Variants in FAF1 observed in about 807,000 individuals in gnomAD.
FAF1 encodes FAS-associated factor 1.
In FAF1, 25 loss-of-function variants were observed where a neutral mutation model predicts 92.5. That is an observed-to-expected ratio of 0.27 (90% CI 0.20 to 0.38). FAF1 has a LOEUF of 0.38. FAF1 is among the 10% of genes least tolerant of loss of function. The pLI, the probability that FAF1 is intolerant of heterozygous loss-of-function variation, is 1.00. For missense variants in FAF1, 636 were observed against 793.3 expected (o/e 0.80, Z 2.38); for synonymous variants, 234 against 273.2 (o/e 0.86, Z 1.42).
At chr1:50,532,666 A>G (rs1648241119) in intron 15 of FAF1, among the ~76,000 whole-genome samples, 1 of 152,212 alleles carries the variant, frequency 6.6e-6, no homozygotes, top group Admixed American at 6.5e-5. Flanking sequence ...ATTAAGAAAA[A>G]GTATAAACCA....
chr1:50,633,614 G>A (rs538868401), intron 8 of FAF1, among the ~76,000 whole-genome samples: 2 of 152,224 alleles, frequency 1.3e-5, no homozygotes, highest in African/African-American at 2.4e-5. Context: ...CTGTCACTAC[G>A]GCAACCAGCA....
intron 4 of FAF1, among the ~76,000 whole-genome samples, chr1:50,756,727 A>T (rs974116955): frequency 6.6e-6 from 1 of 152,234 alleles, no homozygotes; most frequent in Admixed American, 6.5e-5. Flanking sequence ...TCATGCTGGA[A>T]GGCAAGGTGG....
chr1:50,739,862 C>T (rs1659316236), intron 5 of FAF1, among the ~76,000 whole-genome samples: 1 of 152,102 alleles, frequency 6.6e-6, no homozygotes, highest in Admixed American at 6.5e-5. Flanking sequence ...TTGATAAGCA[C>T]AGAAAATTTC....
At chr1:50,867,330 T>A (rs756859569) in intron 1 of FAF1, among the ~76,000 whole-genome samples, 1 of 151,896 alleles carries the variant, frequency 6.6e-6, no homozygotes, top group Non-Finnish European at 1.5e-5. Flanking sequence ...CCAAGATAAA[T>A]AGATGAAACT....
At chr1:50,547,417 A>C (rs931647769) in intron 13 of FAF1, among the ~76,000 whole-genome samples, 1 of 146,182 alleles carries the variant, frequency 6.8e-6, no homozygotes, top group African/African-American at 2.5e-5. Context: ...AAGCCACGTA[A>C]TTTTTTTTTT....
intron 7 of FAF1, among the ~76,000 whole-genome samples, chr1:50,657,961 C>T: frequency 6.6e-6 from 1 of 152,146 alleles, no homozygotes; most frequent in South Asian, 2.1e-4. Context: ...TATAGTCAGT[C>T]ACATCATTTG....
intron 17 of FAF1, among the ~76,000 whole-genome samples, chr1:50,482,385 G>C (rs1456752699): frequency 1.3e-5 from 2 of 152,144 alleles, no homozygotes; most frequent in Non-Finnish European, 2.9e-5. Flanking sequence ...AGGGACACCT[G>C]AGCTGTTTCC....
intron 7 of FAF1, among the ~76,000 whole-genome samples, chr1:50,686,823 G>GT (rs1180168137): frequency 6.6e-6 from 1 of 152,006 alleles, no homozygotes; most frequent in Non-Finnish European, 1.5e-5. Context: ...ATTGAAACTT[G>GT]TTTTTCTTTT....
At chr1:50,472,606 C>A (rs954263814) in intron 18 of FAF1, among the ~76,000 whole-genome samples, 1 of 151,954 alleles carries the variant, frequency 6.6e-6, no homozygotes, top group South Asian at 2.1e-4. Context: ...TGGTTGGGGG[C>A]GGGTGGCAGG....
At chr1:50,740,522 A>G (rs1164687454) in intron 5 of FAF1, among the ~76,000 whole-genome samples, 1 of 152,150 alleles carries the variant, frequency 6.6e-6, no homozygotes, top group African/African-American at 2.4e-5. Context: ...AAATGAAAAG[A>G]AATACATAAT....
intron 17 of FAF1, among the ~76,000 whole-genome samples, chr1:50,485,667 CAAA>C (rs999538430): frequency 7.3e-5 from 1 of 13,714 alleles, no homozygotes; most frequent in Non-Finnish European, 1.4e-4. Context: ...GAGACTGTCT[CAAA>C]AAAAAAAAAA....
intron 6 of FAF1, among the ~76,000 whole-genome samples, chr1:50,724,296 T>TACACACACACACACACACACACACAC (rs974347882): frequency 6.0e-5 from 7 of 117,218 alleles, no homozygotes; most frequent in African/African-American, 1.9e-4. Flanking sequence ...CACACACACA[T>TACACACACACACACACACACACACAC]ACACACACAC....
At chr1:50,785,975 A>G (rs1027661376) in intron 4 of FAF1, among the ~76,000 whole-genome samples, 2 of 152,060 alleles carry the variant, frequency 1.3e-5, no homozygotes, top group Non-Finnish European at 2.9e-5. Context: ...CTACAAAGAA[A>G]AAAAAAAAAT....
intron 7 of FAF1, among the ~76,000 whole-genome samples, chr1:50,693,445 T>C (rs1387962051): frequency 1.3e-5 from 2 of 152,204 alleles, no homozygotes; most frequent in East Asian, 1.9e-4. Flanking sequence ...TATGGAATTT[T>C]AATTCACTTA....
In FAF1 at chr1:50,744,605, T is replaced by C; in HGVS notation, c.459+79A>G. 3 of 997,732 alleles carry C rather than the reference T, an allele frequency of 3.0e-6. No homozygotes were observed. In the South Asian group the frequency reaches 4.3e-5, roughly 14 times the overall value. 61.8% of individuals were successfully genotyped at this position (997,732 alleles called of 1,614,324 possible). ...CTACTGCCATATGTAACAACATTAA[T>C]TAAAACCAATTTTTACATATCATTT... On this transcript the variant is annotated intron_variant, in intron 5 of 18. Coordinates refer to ENST00000396153, the MANE Select transcript of FAF1 (RefSeq NM_007051.3).
intron 1 of FAF1, among the ~76,000 whole-genome samples, chr1:50,890,499 C>A (rs1644709784): frequency 1.3e-5 from 2 of 152,116 alleles, no homozygotes; most frequent in Admixed American, 1.3e-4. Flanking sequence ...GTGGCTGGTA[C>A]CAGTTGTTCT....
Position 50,457,724 on chromosome 1 carries a change from C to CAAAAAAAAA in FAF1, c.1870-16210_1870-16202dup, listed in dbSNP as rs35479561. On this transcript the variant is annotated intron_variant, in intron 18 of 18. Coordinates refer to ENST00000396153, the MANE Select transcript of FAF1 (RefSeq NM_007051.3). ...GCAATTCGGTGAAACCCCATCTCTG[C>CAAAAAAAAA]AAAAAAAAAAAAAAAAAAAAAATAC... Among the ~76,000 whole-genome samples the CAAAAAAAAA allele has an allele frequency of 4.9e-3, 272 of 55,946 alleles. 2 individuals carry two copies. Among genetic ancestry groups the CAAAAAAAAA allele is most frequent in the African/African-American group, 9.2e-3 (96 of 10,380 alleles). 36.7% of individuals were successfully genotyped at this position (55,946 alleles called of 152,430 possible).
chr1:50,668,130 T>C (rs766923554), intron 7 of FAF1, among the ~76,000 whole-genome samples: 1 of 152,224 alleles, frequency 6.6e-6, no homozygotes, highest in Non-Finnish European at 1.5e-5. Flanking sequence ...TGTTGGGGTC[T>C]GCCATGAATA....
At chr1:50,605,484 T>C (rs1465397197) in intron 8 of FAF1, among the ~76,000 whole-genome samples, 1 of 152,152 alleles carries the variant, frequency 6.6e-6, no homozygotes, top group African/African-American at 2.4e-5. Flanking sequence ...CTCAGGTAAG[T>C]AAGTGCTCAA....
Sources: allele counts gnomAD v4.1 joint callset (sites outside exome capture counted in the v4.1 genomes callset), GRCh38; gene constraint gnomAD v4.1.1; transcripts MANE v1.5; gene names NCBI Gene and HGNC (gene_info 2026-07-23, HGNC 2026-07-21).